SEZ6L: variants seen among roughly 807,000 people sequenced by gnomAD.
SEZ6L encodes the protein seizure 6-like protein.
Under a neutral mutation model 106.2 loss-of-function variants are expected in SEZ6L, and 37 were observed. The observed-to-expected ratio is 0.35, with a 90% CI of 0.27 to 0.46. The LOEUF is 0.46. SEZ6L is among the 20% of genes least tolerant of loss of function. The pLI is 1.00. For missense variants in SEZ6L, 1,172 were observed against 1,332.8 expected, an observed-to-expected ratio of 0.88 and a Z score of 1.88; for synonymous variants, 541 against 570.4, an observed-to-expected ratio of 0.95 and a Z score of 0.73.
intron 1 of SEZ6L, among the ~76,000 whole-genome samples, chr22:26,244,006 T>C (rs866738697): frequency 5.0e-4 from 76 of 151,834 alleles, no homozygotes; most frequent in African/African-American, 1.7e-3. Context: ...CTACTAAAAA[T>C]ACAAAAATTA....
intron 5 of SEZ6L, among the ~76,000 whole-genome samples, chr22:26,304,220 T>G (rs2081540378): frequency 6.6e-6 from 1 of 151,504 alleles, no homozygotes. Context: ...GGCGCGGTGG[T>G]GGGCACCTGT....
intron 1 of SEZ6L, among the ~76,000 whole-genome samples, chr22:26,233,299 T>G (rs2078857095): frequency 6.6e-6 from 1 of 152,198 alleles, no homozygotes; most frequent in African/African-American, 2.4e-5. Flanking sequence ...GCTGCCTTCA[T>G]CCTGTCATGG....
chr22:26,321,168 T>C (rs1343371671), intron 9 of SEZ6L, among the ~76,000 whole-genome samples: 1 of 152,210 alleles, frequency 6.6e-6, no homozygotes, highest in African/African-American at 2.4e-5. Flanking sequence ...CCTAGACATC[T>C]TCACGACAAG....
At chr22:26,353,326 ATG>A (rs751007108) in intron 12 of SEZ6L, among the ~76,000 whole-genome samples, 19 of 152,294 alleles carry the variant, frequency 1.2e-4, no homozygotes, top group Admixed American at 6.5e-4. Flanking sequence ...GTTTTTGTGT[ATG>A]TGTGTGTATA....
intron 9 of SEZ6L, among the ~76,000 whole-genome samples, chr22:26,339,446 G>GAAAC (rs2082753605): frequency 2.0e-5 from 3 of 152,142 alleles, no homozygotes; most frequent in Non-Finnish European, 2.9e-5. Context: ...GTCTGAGATG[G>GAAAC]CACATGTTTC....
chr22:26,212,272 A>G (rs1004522534), intron 1 of SEZ6L, among the ~76,000 whole-genome samples: 1 of 152,222 alleles, frequency 6.6e-6, no homozygotes, highest in Admixed American at 6.5e-5. Context: ...AAGGTTTTAC[A>G]GTCCCATGAA....
Position 26,292,956 on chromosome 22 carries a change from C to T in SEZ6L, c.645C>T (p.Leu215=), listed in dbSNP as rs374380587. ...FTSQPYVAHT[L]PQRPEPGEPG... is the part of the protein sequence containing the mutation. ...CGCAGCCCTATGTGGCCCACACACT[C>T]CCCCAGAGGCCAGAACCCGGGGAGC... The change falls in exon 2 of 17, where the codon CTC becomes CTT. Residue 215 remains leucine (L), a synonymous_variant. Transcript: ENST00000248933. The T allele has an allele frequency of 3.1e-6, 5 of 1,613,760 alleles. No individual in the cohort carries two copies. The highest frequency in any genetic ancestry group is 2.2e-5 in the South Asian group (2 of 91,050).
intron 9 of SEZ6L, among the ~76,000 whole-genome samples, chr22:26,332,087 A>T (rs2082497730): frequency 6.6e-6 from 1 of 151,926 alleles, no homozygotes; most frequent in Non-Finnish European, 1.5e-5. Flanking sequence ...CTGTAGGGTG[A>T]CGATAGTTAA....
chr22:26,290,022 G>A (rs1312043934), intron 1 of SEZ6L, among the ~76,000 whole-genome samples: 1 of 152,210 alleles, frequency 6.6e-6, no homozygotes, highest in Non-Finnish European at 1.5e-5. Context: ...CACTACGGGT[G>A]AGGCGCTGTC....
chr22:26,336,351 G>T (rs1036266805), intron 9 of SEZ6L, among the ~76,000 whole-genome samples: 1 of 152,160 alleles, frequency 6.6e-6, no homozygotes, highest in Non-Finnish European at 1.5e-5. Context: ...AACCCAAAAT[G>T]CACAGTGAAA....
Position 26,233,201 on chromosome 22 carries a change from A to T in SEZ6L, c.95-59205A>T, listed in dbSNP as rs1174500054. On this transcript the variant is annotated intron_variant, in intron 1 of 16. Transcript: ENST00000248933. ...GCATTGCTTAGAGAATACAAATTAGATATTGTCTGAAGCCTTTCCCTGTCT... is the reference window on the plus strand; with the variant it reads ...GCATTGCTTAGAGAATACAAATTAGTTATTGTCTGAAGCCTTTCCCTGTCT... Among the ~76,000 whole-genome samples, 3 of 152,274 alleles carry T rather than the reference A, an allele frequency of 2.0e-5. No homozygotes were observed. In the East Asian group the frequency reaches 5.8e-4, roughly 29 times the overall value.
At position 26,285,448 on chromosome 22, in the gene SEZ6L, C is replaced by T. The variant is rs185883367; in HGVS notation, c.95-6958C>T. ...AATTGGGAAGGAAGTCTTTCTCAGT[C>T]CTGAGGGCAGTGCCAGATCACCTCT... On this transcript the variant is annotated intron_variant, in intron 1 of 16. Coordinates refer to ENST00000248933, the MANE Select transcript of SEZ6L (RefSeq NM_021115.5). 2.7e-5 allele frequency among the ~76,000 whole-genome samples: 4 copies of T among 145,862 alleles called. No homozygotes were observed. The East Asian group carries it at 7.7e-4, about 28-fold the overall frequency.
chr22:26,325,848 G>A (rs192275765), intron 9 of SEZ6L, among the ~76,000 whole-genome samples: 65 of 152,116 alleles, frequency 4.3e-4, no homozygotes, highest in Non-Finnish European at 7.9e-4. Flanking sequence ...AATTTAATTG[G>A]CAGCTGTGAT....
chr22:26,198,200 G>T (rs936088274), intron 1 of SEZ6L, among the ~76,000 whole-genome samples: 1 of 152,230 alleles, frequency 6.6e-6, no homozygotes, highest in Non-Finnish European at 1.5e-5. Flanking sequence ...CTCTGGTTTT[G>T]CTTCTGTGAA....
chr22:26,293,286 C>T (rs528299290), intron 2 of SEZ6L, 140 bp downstream of exon 2: 5 of 1,241,086 alleles, frequency 4.0e-6, no homozygotes, highest in Admixed American at 3.3e-5. Context: ...CTATGAGCTT[C>T]GCCCTGTGGC....
At chr22:26,341,343 A>G (rs956507557) in intron 10 of SEZ6L, among the ~76,000 whole-genome samples, 1 of 151,762 alleles carries the variant, frequency 6.6e-6, no homozygotes, top group Non-Finnish European at 1.5e-5. Flanking sequence ...GCTTTCATCC[A>G]ATCACACTCT....
At chr22:26,246,977 G>A (rs1404482070) in intron 1 of SEZ6L, among the ~76,000 whole-genome samples, 2 of 152,196 alleles carry the variant, frequency 1.3e-5, no homozygotes, top group South Asian at 4.1e-4. Context: ...TGCTGAGTGC[G>A]AACGTGCTTT....
At chr22:26,329,061 G>A (rs763970722) in intron 9 of SEZ6L, among the ~76,000 whole-genome samples, 2 of 152,160 alleles carry the variant, frequency 1.3e-5, no homozygotes, top group East Asian at 1.9e-4. Flanking sequence ...TGAGAACCAC[G>A]GGGCAGTGGG....
intron 1 of SEZ6L, among the ~76,000 whole-genome samples, chr22:26,183,741 C>T (rs1939566773): frequency 6.6e-6 from 1 of 152,202 alleles, no homozygotes; most frequent in East Asian, 1.9e-4. Flanking sequence ...CTGAGCAGAA[C>T]TGCAGAGAAT....
Sources: allele counts gnomAD v4.1 joint callset (sites outside exome capture counted in the v4.1 genomes callset), GRCh38; gene constraint gnomAD v4.1.1; transcripts MANE v1.5; gene names NCBI Gene and HGNC (gene_info 2026-07-23, HGNC 2026-07-21).